The following TDRD5 variants were observed in gnomAD, a reference collection of about 807,000 sequenced individuals.
The protein encoded by TDRD5 is tudor domain-containing protein 5.
Under a neutral mutation model 120.6 loss-of-function variants are expected in TDRD5, and 41 were observed. The observed-to-expected ratio is 0.34, with a 90% CI of 0.26 to 0.44. The LOEUF (loss-of-function observed/expected upper bound fraction) is 0.44. Ranked by LOEUF, TDRD5 falls within the 20% of genes least tolerant of loss-of-function variation. TDRD5 has a pLI of 1.00. For missense variants in TDRD5, 1,006 were observed against 1,221.2 expected (o/e 0.82, Z 2.63); for synonymous variants, 430 against 433.7 (o/e 0.99, Z 0.11).
intron 11 of TDRD5, among the ~76,000 whole-genome samples, chr1:179,646,739 G>C (rs1001810619): frequency 4.6e-5 from 7 of 152,120 alleles, no homozygotes; most frequent in South Asian, 2.1e-4. Flanking sequence ...TTAAGCTGAT[G>C]AGCAACTTCA....
intron 17 of TDRD5, among the ~76,000 whole-genome samples, chr1:179,685,457 G>T (rs1005649680): frequency 1.3e-5 from 2 of 152,164 alleles, no homozygotes; most frequent in Admixed American, 6.5e-5. Context: ...CCTTGGTATA[G>T]TTTGAAGTCA....
chr1:179,689,678 C>T (rs1478524629), intron 17 of TDRD5, among the ~76,000 whole-genome samples: 1 of 152,194 alleles, frequency 6.6e-6, no homozygotes, highest in African/African-American at 2.4e-5. Context: ...AGGCAGGCCT[C>T]CTTGAGCTGT....
intron 11 of TDRD5, among the ~76,000 whole-genome samples, chr1:179,648,514 C>T (rs113229148): frequency 1.6e-4 from 23 of 144,288 alleles, no homozygotes; most frequent in South Asian, 4.7e-4. Flanking sequence ...TTAGTGGATG[C>T]GGCGCACCAG....
At chr1:179,621,778 C>T (rs763554317) in intron 6 of TDRD5, among the ~76,000 whole-genome samples, 1 of 152,124 alleles carries the variant, frequency 6.6e-6, no homozygotes, top group Non-Finnish European at 1.5e-5. Flanking sequence ...CATATGTTAA[C>T]TGTGTGCCAG....
intron 10 of TDRD5, 97 bp from the exon 11 acceptor site, chr1:179,640,282 A>T: frequency 7.5e-7 from 1 of 1,339,292 alleles, no homozygotes; most frequent in Non-Finnish European, 1.1e-6. Context: ...ATTACGTTTT[A>T]GTCTCTTATT....
intron 6 of TDRD5, among the ~76,000 whole-genome samples, chr1:179,627,770 G>A (rs533376180): frequency 1.3e-5 from 2 of 152,298 alleles, no homozygotes; most frequent in Non-Finnish European, 2.9e-5. Context: ...ACTCAACATA[G>A]AGGATGATGG....
chr1:179,667,392 A>C (rs1679613409), intron 16 of TDRD5, among the ~76,000 whole-genome samples: 1 of 152,208 alleles, frequency 6.6e-6, no homozygotes, highest in South Asian at 2.1e-4. Context: ...TCTATTAAAC[A>C]GCTAAACATA....
chr1:179,653,670 G>A (rs1268177412), intron 13 of TDRD5, among the ~76,000 whole-genome samples: 1 of 152,024 alleles, frequency 6.6e-6, no homozygotes, highest in African/African-American at 2.4e-5. Flanking sequence ...AATGAAATAA[G>A]AACCATCTTT....
intron 6 of TDRD5, among the ~76,000 whole-genome samples, chr1:179,624,465 A>C (rs1677011321): frequency 6.6e-6 from 1 of 152,192 alleles, no homozygotes; most frequent in African/African-American, 2.4e-5. Flanking sequence ...GAAAACCTAA[A>C]AGAAAAAACG....
chr1:179,631,208 A>G (rs969202724), intron 7 of TDRD5, among the ~76,000 whole-genome samples: 3 of 152,034 alleles, frequency 2.0e-5, no homozygotes, highest in African/African-American at 4.8e-5. Flanking sequence ...TGGCTAACAC[A>G]GTGAAACCCC....
chr1:179,688,576 A>G (rs1309573626), intron 17 of TDRD5, among the ~76,000 whole-genome samples: 2 of 152,220 alleles, frequency 1.3e-5, no homozygotes, highest in African/African-American at 2.4e-5. Context: ...TGTTTCCTGA[A>G]TTTGAATGTT....
intron 4 of TDRD5, among the ~76,000 whole-genome samples, chr1:179,597,425 G>A (rs993275826): frequency 5.5e-5 from 8 of 145,492 alleles, no homozygotes; most frequent in Non-Finnish European, 7.5e-5. Context: ...TCCGTCTCCC[G>A]GGCTCAAGTG....
chr1:179,675,275 T>TATTATTA (rs573077045), intron 17 of TDRD5, among the ~76,000 whole-genome samples: 7 of 48,604 alleles, frequency 1.4e-4, no homozygotes, highest in Admixed American at 4.7e-4. Context: ...TTATTATTAT[T>TATTATTA]TTTTTTTTTT....
At position 179,662,087 on chromosome 1, in the gene TDRD5, C is replaced by T; in HGVS notation, c.2323-17C>T. The T allele has an allele frequency of 6.6e-7, 1 of 1,515,666 alleles. No individual in the cohort carries two copies. Among genetic ancestry groups the T allele is most frequent in the Admixed American group, 2.4e-5 (1 of 42,436 alleles). The allele number at this position is 1,515,666 out of a possible 1,614,324, so 93.9% of individuals were successfully genotyped here. On this transcript the variant is annotated splice_polypyrimidine_tract_variant and intron_variant, in intron 14 of 17. Coordinates refer to ENST00000444136, the MANE Select transcript of TDRD5 (RefSeq NM_001199085.3). ...ACTATAAATGATAGTTTTTCTTTGT[C>T]TTCTGTTACATTTTAGGATGAGATC...
At position 179,652,017 on chromosome 1, in the gene TDRD5, CCTTTT is replaced by C; in HGVS notation, c.2002-16_2002-12del. The C allele has an allele frequency of 1.2e-6, 2 of 1,606,588 alleles. No homozygotes were observed. The highest frequency in any genetic ancestry group is 1.7e-6 in the Non-Finnish European group (2 of 1,178,138). ...TGTTGGTCATGTAAATTAAACCATC[CCTTTT>C]CTTTTTTTAATCTTAGGGTTTCAGT... On this transcript the variant is annotated splice_polypyrimidine_tract_variant and intron_variant, in intron 12 of 17. Transcript: ENST00000444136.
chr1:179,671,145 C>T (rs1679834729), intron 17 of TDRD5, among the ~76,000 whole-genome samples: 2 of 152,186 alleles, frequency 1.3e-5, no homozygotes, highest in Non-Finnish European at 2.9e-5. Context: ...TGCCAAAAGT[C>T]AATAGGCTGT....
intron 11 of TDRD5, among the ~76,000 whole-genome samples, chr1:179,645,933 C>T (rs1012258216): frequency 5.3e-5 from 8 of 151,924 alleles, no homozygotes; most frequent in Admixed American, 3.3e-4. Context: ...AACTGTCATT[C>T]TACTTTGAAC....
Position 179,650,986 on chromosome 1 carries a change from C to G in TDRD5, c.1920C>G (p.Ser640=), listed in dbSNP as rs201602267. 1 of 1,614,100 alleles carries G rather than the reference C, an allele frequency of 6.2e-7. No homozygotes were observed. The highest frequency in any genetic ancestry group is 2.2e-5 in the East Asian group (1 of 44,868). Residue 640 remains serine (S), a synonymous_variant, in exon 12 of 18, where the codon TCC becomes TCG. Transcript: ENST00000444136. Reference sequence around the variant, plus strand: ...TTAACATTTTTTTGTGTGACACATCCTCAAACGAAGATGTCTATTTCCATC... The same window carrying G: ...TTAACATTTTTTTGTGTGACACATCGTCAAACGAAGATGTCTATTTCCATC... ...GILNIFLCDT[S]SNEDVYFHHV...
chr1:179,680,996 G>T (rs1380354622), intron 17 of TDRD5, among the ~76,000 whole-genome samples: 2 of 152,194 alleles, frequency 1.3e-5, no homozygotes, highest in African/African-American at 4.8e-5. Context: ...GTTGTCCAAA[G>T]ATTCCAATTA....
Sources: gnomAD v4.1 joint callset for allele counts (sites outside exome capture counted in the v4.1 genomes callset) on GRCh38, gnomAD v4.1.1 for gene constraint, MANE v1.5 for transcripts, NCBI Gene and HGNC (gene_info 2026-07-23, HGNC 2026-07-21) for gene names.